Variants in KSR2 observed in about 807,000 individuals in gnomAD.
The protein encoded by KSR2 is kinase suppressor of ras 2.
A neutral mutation model predicts 107.8 loss-of-function variants in KSR2; 25 were observed. That is an observed-to-expected ratio of 0.23 (90% CI 0.17 to 0.32). KSR2 has a LOEUF of 0.32. KSR2 is among the 10% of genes least tolerant of loss of function. The probability of loss-of-function intolerance (pLI) is 1.00; values close to 1 mark genes in which losing one functional copy is unlikely to be tolerated. For missense variants in KSR2, 887 were observed against 1,268.9 expected, an observed-to-expected ratio of 0.70 and a Z score of 4.57; for synonymous variants, 480 against 507.0, an observed-to-expected ratio of 0.95 and a Z score of 0.71.
chr12:117,646,161 G>A (rs185279153), intron 5 of KSR2, among the ~76,000 whole-genome samples: 10 of 152,192 alleles, frequency 6.6e-5, no homozygotes, highest in Non-Finnish European at 1.5e-4. Flanking sequence ...GTCAGTACAT[G>A]TTCAGTACAG....
Position 117,550,252 on chromosome 12 carries a change from G to A in KSR2, c.1518+4917C>T, listed in dbSNP as rs78649480. Among the ~76,000 whole-genome samples the A allele has an allele frequency of 3.6e-3, 541 of 152,300 alleles. 2 individuals are homozygous for A. Among genetic ancestry groups the A allele is most frequent in the African/African-American group, 0.012 (519 of 41,550 alleles). On this transcript the variant is annotated intron_variant, in intron 9 of 19. Coordinates refer to ENST00000339824, the MANE Select transcript of KSR2 (RefSeq NM_173598.6). ...CCCAAGTCATGGCTCAGAAGCAGAA[G>A]CACGAGGTTGTGCCAAGTAATAAGA...
chr12:117,640,317 C>T (rs925506982), intron 5 of KSR2, among the ~76,000 whole-genome samples: 2 of 151,934 alleles, frequency 1.3e-5, no homozygotes, highest in Non-Finnish European at 2.9e-5. Context: ...GTGGCGCGAT[C>T]TCAGCTCACT....
chr12:117,680,996 G>A (rs1156253051), intron 4 of KSR2, among the ~76,000 whole-genome samples: 1 of 152,228 alleles, frequency 6.6e-6, no homozygotes, highest in African/African-American at 2.4e-5. Flanking sequence ...ACCACCAGGT[G>A]TGGTGGCTCA....
intron 3 of KSR2, among the ~76,000 whole-genome samples, chr12:117,806,484 T>C (rs905767607): frequency 2.6e-5 from 4 of 152,202 alleles, no homozygotes. Flanking sequence ...AGAAGCAGAC[T>C]AAGGACTTCA....
At chr12:117,688,082 TA>T in intron 4 of KSR2, among the ~76,000 whole-genome samples, 1 of 152,020 alleles carries the variant, frequency 6.6e-6, no homozygotes, top group Non-Finnish European at 1.5e-5. Context: ...AATTCCCTTT[TA>T]AAAAAAAGTC....
chr12:117,905,823 A>T (rs1259125052), intron 1 of KSR2, among the ~76,000 whole-genome samples: 1 of 152,018 alleles, frequency 6.6e-6, no homozygotes, highest in Non-Finnish European at 1.5e-5. Context: ...TTCTGAAAAG[A>T]CTTGAACTAA....
chr12:117,904,609 T>C (rs1436361976), intron 1 of KSR2, among the ~76,000 whole-genome samples: 2 of 152,326 alleles, frequency 1.3e-5, no homozygotes, highest in East Asian at 1.9e-4. Context: ...AAGTGTTTTA[T>C]ATACTTTTCC....
chr12:117,527,025 T>C, intron 13 of KSR2, 46 bp downstream of exon 13: 2 of 1,581,300 alleles, frequency 1.3e-6, no homozygotes, highest in South Asian at 2.2e-5. Flanking sequence ...TGCCAAGTTC[T>C]GGGCAGTCCC....
chr12:117,887,207 A>C (rs1442525778), intron 1 of KSR2, among the ~76,000 whole-genome samples: 1 of 152,044 alleles, frequency 6.6e-6, no homozygotes, highest in African/African-American at 2.4e-5. Context: ...TACAGGCCTG[A>C]GTCATCATGC....
At chr12:117,900,691 A>T (rs1049009300) in intron 1 of KSR2, among the ~76,000 whole-genome samples, 1 of 152,186 alleles carries the variant, frequency 6.6e-6, no homozygotes, top group African/African-American at 2.4e-5. Flanking sequence ...CTTTCTTAAG[A>T]ACATCTGCAT....
intron 3 of KSR2, among the ~76,000 whole-genome samples, chr12:117,765,381 C>T (rs545563467): frequency 2.0e-5 from 3 of 152,236 alleles, no homozygotes; most frequent in South Asian, 4.2e-4. Flanking sequence ...ACCAGAAGAA[C>T]CCAATAGAAT....
At chr12:117,903,619 A>G (rs1894755204) in intron 1 of KSR2, among the ~76,000 whole-genome samples, 1 of 152,210 alleles carries the variant, frequency 6.6e-6, no homozygotes, top group African/African-American at 2.4e-5. Flanking sequence ...AATGCTTGCA[A>G]TCTGTATCAC....
At chr12:117,561,347 A>C (rs534018900) in intron 7 of KSR2, among the ~76,000 whole-genome samples, 38 of 152,342 alleles carry the variant, frequency 2.5e-4, no homozygotes, top group Admixed American at 1.2e-3. Flanking sequence ...TAGGACACTG[A>C]AAATAACAAG....
intron 5 of KSR2, among the ~76,000 whole-genome samples, chr12:117,612,856 T>G (rs1400591): frequency 0.69 from 105,297 of 151,972 alleles, 37,508 homozygotes; most frequent in South Asian, 0.89. Flanking sequence ...GTGAGTGAGT[T>G]CTCACCAGAC....
At chr12:117,485,326 C>A (rs2137142741) in intron 15 of KSR2, among the ~76,000 whole-genome samples, 1 of 152,298 alleles carries the variant, frequency 6.6e-6, no homozygotes, top group Middle Eastern at 3.4e-3. Flanking sequence ...GTATGTGACC[C>A]CTGGTCCTTG....
intron 1 of KSR2, among the ~76,000 whole-genome samples, chr12:117,922,128 G>A (rs1027066213): frequency 2.6e-5 from 4 of 152,070 alleles, no homozygotes; most frequent in Non-Finnish European, 5.9e-5. Context: ...GTGTTGATGC[G>A]GTATATTTAG....
chr12:117,722,560 G>C (rs1226005274), intron 4 of KSR2, among the ~76,000 whole-genome samples: 1 of 152,180 alleles, frequency 6.6e-6, no homozygotes, highest in Non-Finnish European at 1.5e-5. Flanking sequence ...CACCAGCATC[G>C]TGACAGTTTA....
At chr12:117,884,193 G>A (rs1484130356) in intron 1 of KSR2, among the ~76,000 whole-genome samples, 1 of 152,150 alleles carries the variant, frequency 6.6e-6, no homozygotes, top group Admixed American at 6.5e-5. Context: ...CACCCAGGCT[G>A]AAGGTGTGCT....
chr12:117,490,768 A>T (rs1229706247), intron 14 of KSR2, among the ~76,000 whole-genome samples: 4 of 152,220 alleles, frequency 2.6e-5, no homozygotes, highest in Non-Finnish European at 4.4e-5. Context: ...CATTTTATAG[A>T]TGACAAAATT....
Sources: gnomAD v4.1 joint callset for allele counts (sites outside exome capture counted in the v4.1 genomes callset) on GRCh38, gnomAD v4.1.1 for gene constraint, MANE v1.5 for transcripts, NCBI Gene and HGNC (gene_info 2026-07-23, HGNC 2026-07-21) for gene names.